Variants in CAPN9 observed in about 807,000 individuals in gnomAD.
CAPN9 encodes calpain-9.
Under a neutral mutation model 92.8 loss-of-function variants are expected in CAPN9, and 81 were observed. That is an observed-to-expected ratio of 0.87 (90% CI 0.73 to 1.05). The LOEUF is 1.05. Ranked by LOEUF, CAPN9 falls within the 50% of genes least tolerant of loss-of-function variation. CAPN9 has a pLI of 0.00. For synonymous variants in CAPN9, 304 were observed against 328.0 expected (o/e 0.93, Z 0.79); for missense variants, 848 against 866.2 (o/e 0.98, Z 0.26).
At position 230,792,567 on chromosome 1, in the gene CAPN9, G is replaced by C. The variant is rs969726429; in HGVS notation, c.1791+73G>C. The C allele has an allele frequency of 1.7e-5, 20 of 1,149,380 alleles. No homozygotes were observed. The East Asian group carries it at 4.7e-4, about 27-fold the overall frequency. 71.2% of individuals were successfully genotyped at this position (1,149,380 alleles called of 1,614,324 possible). ...TAGAGCAGAGGGGATTTAAAATGGT[G>C]CAGCAGGCTGCAGGCTATAGGCTAG... On this transcript the variant is annotated intron_variant, in intron 16 of 19. Coordinates refer to ENST00000271971, the MANE Select transcript of CAPN9 (RefSeq NM_006615.3).
At chr1:230,799,412 C>T (rs978987168) in intron 19 of CAPN9, among the ~76,000 whole-genome samples, 1 of 152,142 alleles carries the variant, frequency 6.6e-6, no homozygotes, top group African/African-American at 2.4e-5. Flanking sequence ...TGTTGACTCA[C>T]CACTAATTTT....
intron 3 of CAPN9, among the ~76,000 whole-genome samples, chr1:230,761,012 G>A (rs1270228253): frequency 6.6e-6 from 1 of 152,050 alleles, no homozygotes; most frequent in Non-Finnish European, 1.5e-5. Context: ...ATTAACTCCC[G>A]AGGACACTGA....
intron 14 of CAPN9, chr1:230,790,469 A>G (rs1667905239): frequency 5.3e-6 from 1 of 190,136 alleles, no homozygotes; most frequent in Non-Finnish European, 9.7e-6. Context: ...GTGTATCTGC[A>G]TGTATGTACA....
Position 230,778,961 on chromosome 1 carries a change from G to A in CAPN9, c.954-12G>A, listed in dbSNP as rs1166531348. ...GCCCTCCTGTGCATCGTGTCTCTCC[G>A]CTTTGCTGCAGGATGGCATTTAAGG... On this transcript the variant is annotated splice_polypyrimidine_tract_variant and intron_variant, in intron 8 of 19. Transcript: ENST00000271971. 4 of 1,611,578 alleles carry A rather than the reference G, an allele frequency of 2.5e-6. No individual in the cohort carries two copies. Among genetic ancestry groups the A allele is most frequent in the Middle Eastern group, 1.7e-4 (1 of 5,960 alleles).
intron 6 of CAPN9, among the ~76,000 whole-genome samples, chr1:230,771,217 G>T (rs1416626664): frequency 1.3e-5 from 2 of 152,226 alleles, no homozygotes; most frequent in Non-Finnish European, 2.9e-5. Flanking sequence ...CCGAAGAGTT[G>T]ATGTTACTTG....
At chr1:230,799,811 T>C (rs1668564808) in intron 19 of CAPN9, among the ~76,000 whole-genome samples, 1 of 152,140 alleles carries the variant, frequency 6.6e-6, no homozygotes, top group Non-Finnish European at 1.5e-5. Context: ...GGCGGGAGGA[T>C]TGCTTGAGGC....
intron 15 of CAPN9, 62 bp from the exon 16 acceptor site, chr1:230,792,364 G>A (rs2102929672): frequency 7.0e-7 from 1 of 1,419,982 alleles, no homozygotes; most frequent in Non-Finnish European, 1.0e-6. Context: ...CCAGAGCTGA[G>A]GTCCCACGAG....
At chr1:230,765,935 G>A (rs775886898) in intron 4 of CAPN9, among the ~76,000 whole-genome samples, 5 of 152,070 alleles carry the variant, frequency 3.3e-5, no homozygotes, top group Non-Finnish European at 5.9e-5. Context: ...CTTTCCAGTG[G>A]AGACACCTGA....
At chr1:230,774,431 C>T in intron 7 of CAPN9, 123 bp from the exon 8 acceptor site, 1 of 687,126 alleles carries the variant, frequency 1.5e-6, no homozygotes, top group South Asian at 1.8e-5. Context: ...TTTTTGGGAC[C>T]CAGTGAGTAG....
intron 11 of CAPN9, among the ~76,000 whole-genome samples, chr1:230,785,300 G>A (rs994626556): frequency 6.6e-6 from 1 of 152,118 alleles, no homozygotes; most frequent in Non-Finnish European, 1.5e-5. Context: ...GGGGTTATTG[G>A]GAAGGCATAA....
intron 3 of CAPN9, among the ~76,000 whole-genome samples, chr1:230,762,031 A>G (rs1315734058): frequency 6.6e-6 from 1 of 152,224 alleles, no homozygotes; most frequent in South Asian, 2.1e-4. Context: ...CATACCTGTC[A>G]TGCCTGCCTG....
chr1:230,795,203 C>T lies in CAPN9; in HGVS notation c.1911C>T (p.Leu637=). 2.5e-6 allele frequency: 4 copies of T among 1,613,502 alleles called. No homozygotes were observed. The highest frequency in any genetic ancestry group is 3.4e-6 in the Non-Finnish European group (4 of 1,179,714). ...LSSHLLQLIV[L]RYADEELQLD... ...GCCACCTCCTGCAGCTGATTGTGCT[C>T]AGGTATGCGGATGAGGAGCTCCAGC... Residue 637 remains leucine (L), a synonymous_variant, in exon 18 of 20, where the codon CTC becomes CTT. Coordinates refer to ENST00000271971, the MANE Select transcript of CAPN9 (RefSeq NM_006615.3).
At chr1:230,768,055 AAAAAT>A (rs869154153) in intron 5 of CAPN9, among the ~76,000 whole-genome samples, 79 of 80,712 alleles carry the variant, frequency 9.8e-4, no homozygotes, top group Middle Eastern at 5.4e-3. Context: ...TAAATAAATA[AAAAAT>A]AAAATAAAAT....
chr1:230,787,563 G>A lies in CAPN9; in HGVS notation c.1560G>A (p.Glu520=). 1 of 1,614,128 alleles carries A rather than the reference G, an allele frequency of 6.2e-7. No individual in the cohort carries two copies. Reference sequence around the variant, plus strand: ...CACCTGACCAGGAGACAGAGGAGGAGCAGCGGTTTCGGGCTCTGTTTGAAC... The same window carrying A: ...CACCTGACCAGGAGACAGAGGAGGAACAGCGGTTTCGGGCTCTGTTTGAAC... The part of the protein sequence containing the change: ...PTPPDQETEE[E]QRFRALFEQV... Residue 520 remains glutamate (E), a synonymous_variant, in exon 13 of 20, where the codon GAG becomes GAA. Coordinates refer to ENST00000271971, the MANE Select transcript of CAPN9 (RefSeq NM_006615.3).
chr1:230,798,308 T>C, intron 19 of CAPN9, 88 bp downstream of exon 19: 1 of 838,940 alleles, frequency 1.2e-6, no homozygotes, highest in East Asian at 2.5e-5. Flanking sequence ...ATGCTTGATT[T>C]CATGCAAGGG....
intron 8 of CAPN9, 126 bp from the exon 9 acceptor site, chr1:230,778,846 TC>T: frequency 2.4e-6 from 2 of 817,166 alleles, no homozygotes; most frequent in East Asian, 2.8e-5. Flanking sequence ...CACTTTGCAG[TC>T]CCCCCACTCC....
intron 13 of CAPN9, among the ~76,000 whole-genome samples, chr1:230,789,123 C>T (rs570720455): frequency 2.1e-4 from 32 of 152,168 alleles, no homozygotes; most frequent in Middle Eastern, 3.4e-3. Context: ...GGCTTCAGGA[C>T]GGACATGTGT....
Position 230,795,155 on chromosome 1 carries a change from C to A in CAPN9, c.1871-8C>A, listed in dbSNP as rs762764866. 1.3e-6 allele frequency: 2 copies of A among 1,585,628 alleles called. No individual in the cohort carries two copies. Among genetic ancestry groups the A allele is most frequent in the Non-Finnish European group, 8.7e-7 (1 of 1,155,144 alleles). On this transcript the variant is annotated splice_polypyrimidine_tract_variant and splice_region_variant and intron_variant, in intron 17 of 19. Transcript: ENST00000271971. Reference sequence around the variant, plus strand: ...GCGAGTCCTGGGTCTCCTCCTTTGTCCCCACAGGCTTTCAGCTGAGCAGCC... The same window carrying A: ...GCGAGTCCTGGGTCTCCTCCTTTGTACCCACAGGCTTTCAGCTGAGCAGCC...
At chr1:230,784,746 A>G (rs923833595) in intron 11 of CAPN9, among the ~76,000 whole-genome samples, 4 of 152,264 alleles carry the variant, frequency 2.6e-5, no homozygotes, top group Non-Finnish European at 5.9e-5. Flanking sequence ...GAGAACTTCT[A>G]CTAGGGCTAT....
Sources: gnomAD v4.1 joint callset for allele counts (sites outside exome capture counted in the v4.1 genomes callset) on GRCh38, gnomAD v4.1.1 for gene constraint, MANE v1.5 for transcripts, NCBI Gene and HGNC (gene_info 2026-07-23, HGNC 2026-07-21) for gene names.